ZC3H3: variants seen among roughly 807,000 people sequenced by gnomAD.
ZC3H3 encodes zinc finger CCCH-type containing 3.
ZC3H3 carries 36 observed loss-of-function variants against 77.3 expected under a neutral mutation model. The observed-to-expected ratio is 0.47, with a 90% CI of 0.36 to 0.61. The LOEUF is 0.61. ZC3H3 is among the 20% of genes least tolerant of loss of function. The pLI is 0.00. For missense variants in ZC3H3, 1,331 were observed against 1,312.2 expected, an observed-to-expected ratio of 1.01 and a Z score of -0.22; for synonymous variants, 626 against 555.2, an observed-to-expected ratio of 1.13 and a Z score of -1.79.
Position 143,493,530 on chromosome 8 carries a change from G to C in ZC3H3, c.1715+14216C>G, listed in dbSNP as rs1821264864. Among the ~76,000 whole-genome samples, 1 of 152,200 alleles carries C rather than the reference G, an allele frequency of 6.6e-6. No homozygotes were observed. Among genetic ancestry groups the C allele is most frequent in the Non-Finnish European group, 1.5e-5 (1 of 68,034 alleles). ...CTCGGGGGGATGCCAGCTCAGCCCT[G>C]CTGCCATGGGCACTGCCAAGGACTC... On this transcript the variant is annotated intron_variant, in intron 4 of 11. Transcript: ENST00000262577. The surrounding 1 kb of genome is among the most constrained non-coding windows in gnomAD (Gnocchi z 4.8).
At chr8:143,456,620 G>A (rs1000618649) in intron 9 of ZC3H3, among the ~76,000 whole-genome samples, 9 of 152,166 alleles carry the variant, frequency 5.9e-5, no homozygotes, top group South Asian at 2.1e-4. Context: ...TTATAATCCC[G>A]GCACTTTGGG....
At chr8:143,496,407 C>T (rs910711912) in intron 4 of ZC3H3, among the ~76,000 whole-genome samples, 9 of 152,192 alleles carry the variant, frequency 5.9e-5, no homozygotes, top group South Asian at 2.1e-4. Flanking sequence ...CCGTGCAGAA[C>T]GTGATGACGT....
At chr8:143,525,958 C>T (rs1045924364) in intron 3 of ZC3H3, among the ~76,000 whole-genome samples, 1 of 152,252 alleles carries the variant, frequency 6.6e-6, no homozygotes, top group Non-Finnish European at 1.5e-5. Flanking sequence ...ACTGGCCCCG[C>T]TTCAGCGGCA....
At position 143,477,576 on chromosome 8, in the gene ZC3H3, C is replaced by T. The variant is rs939301517; in HGVS notation, c.1716-1991G>A. ...GCATGGCCTGTACCTTCAGCTTATC[C>T]TGGCACCAGGCCTGGAGGGAGGCAG... On this transcript the variant is annotated intron_variant, in intron 4 of 11. Coordinates refer to ENST00000262577, the MANE Select transcript of ZC3H3 (RefSeq NM_015117.3). Among the ~76,000 whole-genome samples, 8 of 152,332 alleles carry T rather than the reference C, an allele frequency of 5.3e-5. No homozygotes were observed. In the South Asian group the frequency reaches 1.7e-3, roughly 32 times the overall value.
chr8:143,496,338 C>A (rs994433714), intron 4 of ZC3H3, among the ~76,000 whole-genome samples: 19 of 152,206 alleles, frequency 1.2e-4, no homozygotes, highest in Non-Finnish European at 2.2e-4. Flanking sequence ...CCACTGCCCC[C>A]CAAGGAGCCG....
intron 5 of ZC3H3, among the ~76,000 whole-genome samples, chr8:143,470,347 G>C (rs546552257): frequency 1.1e-3 from 171 of 152,370 alleles, no homozygotes; most frequent in Non-Finnish European, 2.1e-3. Flanking sequence ...GGGCGTTGAA[G>C]AACGCAGAAA....
chr8:143,498,057 G>A (rs1346645094), intron 4 of ZC3H3, among the ~76,000 whole-genome samples: 1 of 152,218 alleles, frequency 6.6e-6, no homozygotes, highest in Non-Finnish European at 1.5e-5. Flanking sequence ...CCGGGTGAGC[G>A]AATGCAAGTG....
intron 9 of ZC3H3, among the ~76,000 whole-genome samples, chr8:143,464,709 G>A (rs1820361265): frequency 1.3e-5 from 2 of 152,196 alleles, no homozygotes; most frequent in South Asian, 4.1e-4. Flanking sequence ...CAGACCCTGA[G>A]GCAGCGCCAA....
chr8:143,454,174 C>T lies in ZC3H3; in HGVS notation c.2307+11543G>A, dbSNP rs536119502. ...TCGGCTCACTGCAACCTCCATCTCC[C>T]GGGTTCAAGCAATTCTCCTGCCTCA... is the stretch of plus-strand genomic sequence containing the variant. On this transcript the variant is annotated intron_variant, in intron 9 of 11. Coordinates refer to ENST00000262577, the MANE Select transcript of ZC3H3 (RefSeq NM_015117.3). 1.5e-3 allele frequency among the ~76,000 whole-genome samples: 219 copies of T among 150,868 alleles called. 2 individuals carry two copies. The highest frequency in any genetic ancestry group is 4.6e-3 in the African/African-American group (190 of 40,984).
intron 3 of ZC3H3, among the ~76,000 whole-genome samples, chr8:143,508,727 C>T (rs1479907649): frequency 1.3e-5 from 2 of 152,028 alleles, no homozygotes; most frequent in African/African-American, 2.4e-5. Flanking sequence ...CCCCCGCCCC[C>T]CTCCACCCCC....
At chr8:143,468,710 G>A (rs1387632111) in intron 5 of ZC3H3, 51 bp from the exon 6 acceptor site, 51 of 1,521,734 alleles carry the variant, frequency 3.4e-5, no homozygotes, top group Admixed American at 1.4e-4. Context: ...TGGCCCGCAC[G>A]CCCTTTCCCT....
intron 4 of ZC3H3, among the ~76,000 whole-genome samples, chr8:143,506,529 G>A (rs575071010): frequency 1.3e-5 from 2 of 152,160 alleles, no homozygotes; most frequent in South Asian, 4.2e-4. Context: ...GGAAATAGCA[G>A]GTGTAAATTT....
At chr8:143,491,010 C>T (rs928146824) in intron 4 of ZC3H3, among the ~76,000 whole-genome samples, 7 of 152,244 alleles carry the variant, frequency 4.6e-5, no homozygotes, top group African/African-American at 1.2e-4. Context: ...CAGGTAGCGC[C>T]GGGTGACAAG....
intron 1 of ZC3H3, among the ~76,000 whole-genome samples, chr8:143,540,824 C>A (rs934414156): frequency 3.9e-5 from 6 of 152,158 alleles, no homozygotes; most frequent in East Asian, 1.9e-4. Context: ...GGCGTTCTGG[C>A]GCCTACCTGT....
intron 9 of ZC3H3, among the ~76,000 whole-genome samples, chr8:143,465,342 C>G (rs1163073198): frequency 6.6e-6 from 1 of 151,170 alleles, no homozygotes; most frequent in Non-Finnish European, 1.5e-5. Context: ...ATCCTGCAGC[C>G]CTGCGGGCTC....
intron 4 of ZC3H3, among the ~76,000 whole-genome samples, chr8:143,503,228 G>A (rs1175971344): frequency 1.1e-4 from 16 of 152,284 alleles, no homozygotes; most frequent in African/African-American, 1.9e-4. Context: ...AGGTGGCACC[G>A]TGGATGCCAC....
At position 143,515,352 on chromosome 8, in the gene ZC3H3, G is replaced by A. The variant is rs28557352; in HGVS notation, c.1562-7453C>T. Among the ~76,000 whole-genome samples, 641 of 152,372 alleles carry A rather than the reference G, an allele frequency of 4.2e-3. 1 individual carries two copies. The highest frequency in any genetic ancestry group is 7.5e-3 in the Non-Finnish European group (508 of 68,048). ...AGGTCATCGGCAGGGCCCCTGGGGC[G>A]CAGCGAGGGGCTGCAGTGATTAGTA... On this transcript the variant is annotated intron_variant, in intron 3 of 11. Coordinates refer to ENST00000262577, the MANE Select transcript of ZC3H3 (RefSeq NM_015117.3).
At chr8:143,451,954 C>A (rs747021824) in intron 9 of ZC3H3, among the ~76,000 whole-genome samples, 7 of 152,216 alleles carry the variant, frequency 4.6e-5, no homozygotes, top group Non-Finnish European at 1.0e-4. Flanking sequence ...TGGAAGGGAT[C>A]GGGGCACGAC....
chr8:143,530,650 CGACGGGCCCCAGGAGGATGTACCACGAA>C lies in ZC3H3; in HGVS notation c.1561+5579_1561+5606del, dbSNP rs967361200. ...GTCATCTCAGGGTGGCCGAGCACAG[CGACGGGCCCCAGGAGGATGTACCACGAA>C]GCTGGCCCCACTTCCCCCGCACCAC... On this transcript the variant is annotated intron_variant, in intron 3 of 11. Coordinates refer to ENST00000262577, the MANE Select transcript of ZC3H3 (RefSeq NM_015117.3). The surrounding 1 kb of genome is among the most constrained non-coding windows in gnomAD (Gnocchi z 4.3). 6.6e-6 allele frequency among the ~76,000 whole-genome samples: 1 copy of C among 152,094 alleles called. No homozygotes were observed. Among genetic ancestry groups the C allele is most frequent in the African/African-American group, 2.4e-5 (1 of 41,394 alleles).
Sources: gnomAD v4.1 joint callset for allele counts (sites outside exome capture counted in the v4.1 genomes callset) on GRCh38, gnomAD v4.1.1 for gene constraint, Gnocchi (gnomAD v3.1) non-coding constraint, MANE v1.5 for transcripts, NCBI Gene and HGNC (gene_info 2026-07-23, HGNC 2026-07-21) for gene names.